Variants in NAV3 observed in about 807,000 individuals in gnomAD.
NAV3 encodes neuron navigator 3, also known as pore membrane and/or filament interacting like protein 1.
Under a neutral mutation model 244.7 loss-of-function variants are expected in NAV3, and 87 were observed. The observed-to-expected ratio is 0.36, with a 90% CI of 0.30 to 0.42. The LOEUF is 0.42. Ranked by LOEUF, NAV3 falls within the 20% of genes least tolerant of loss-of-function variation. NAV3 has a pLI of 1.00. For synonymous variants in NAV3, 1,126 were observed against 1,042.2 expected (o/e 1.08, Z -1.55); for missense variants, 2,663 against 2,893.3 (o/e 0.92, Z 1.83).
At chr12:78,106,430 G>T (rs1270144704) in intron 12 of NAV3, among the ~76,000 whole-genome samples, 3 of 152,276 alleles carry the variant, frequency 2.0e-5, no homozygotes, top group African/African-American at 7.2e-5. Flanking sequence ...ACCAATATAT[G>T]TGAAGAGATA....
chr12:77,773,155 C>T (rs1156497905), intron 2 of NAV3, among the ~76,000 whole-genome samples: 1 of 151,978 alleles, frequency 6.6e-6, no homozygotes, highest in Non-Finnish European at 1.5e-5. Context: ...AATAAACAAT[C>T]AGACATTTTG....
chr12:77,803,016 C>T (rs1349643127), intron 2 of NAV3, among the ~76,000 whole-genome samples: 1 of 152,254 alleles, frequency 6.6e-6, no homozygotes, highest in Admixed American at 6.5e-5. Flanking sequence ...AAGGGAACAT[C>T]TATTATATGA....
intron 2 of NAV3, among the ~76,000 whole-genome samples, chr12:77,594,209 A>G (rs1008075207): frequency 6.6e-6 from 1 of 152,066 alleles, no homozygotes; most frequent in African/African-American, 2.4e-5. Context: ...CCTATTACCC[A>G]TGGGGGATGT....
chr12:77,613,052 T>C (rs1592503820), intron 2 of NAV3, among the ~76,000 whole-genome samples: 2 of 152,224 alleles, frequency 1.3e-5, no homozygotes, highest in East Asian at 3.9e-4. Context: ...GAACTGTGAG[T>C]CAATTAAATC....
chr12:77,776,233 T>A (rs1216186584), intron 2 of NAV3, among the ~76,000 whole-genome samples: 3 of 152,192 alleles, frequency 2.0e-5, no homozygotes, highest in Non-Finnish European at 4.4e-5. Flanking sequence ...GTAAAACATT[T>A]TAAAAACATG....
At chr12:77,896,024 C>T (rs1490959179) in intron 1 of NAV3, among the ~76,000 whole-genome samples, 1 of 136,082 alleles carries the variant, frequency 7.3e-6, no homozygotes, top group African/African-American at 2.7e-5. Flanking sequence ...AAATCTTTTA[C>T]AAAAATGAGA....
At chr12:77,624,551 T>C (rs1300343856) in intron 2 of NAV3, among the ~76,000 whole-genome samples, 6 of 151,912 alleles carry the variant, frequency 3.9e-5, no homozygotes, top group African/African-American at 1.5e-4. Flanking sequence ...CCATAGTCTA[T>C]GAATGATGAG....
intron 2 of NAV3, among the ~76,000 whole-genome samples, chr12:77,816,235 T>A (rs1392861633): frequency 6.6e-6 from 1 of 152,198 alleles, no homozygotes; most frequent in African/African-American, 2.4e-5. Context: ...GATGGATTAA[T>A]CCATAGTTTC....
intron 2 of NAV3, among the ~76,000 whole-genome samples, chr12:77,750,372 T>C (rs1022380176): frequency 5.9e-5 from 9 of 151,552 alleles, no homozygotes; most frequent in African/African-American, 2.2e-4. Flanking sequence ...ACAACAAAAA[T>C]ACAAGAACAG....
At chr12:77,689,141 C>T (rs1224261789) in intron 2 of NAV3, among the ~76,000 whole-genome samples, 3 of 151,860 alleles carry the variant, frequency 2.0e-5, no homozygotes, top group Admixed American at 1.3e-4. Flanking sequence ...CAGATATTTC[C>T]AAGCATTAAC....
intron 9 of NAV3, among the ~76,000 whole-genome samples, chr12:78,029,827 A>G (rs1194647069): frequency 1.3e-5 from 2 of 152,178 alleles, no homozygotes; most frequent in Non-Finnish European, 2.9e-5. Flanking sequence ...ATTGGTAAGT[A>G]CTTATGTATA....
chr12:77,741,148 C>CAAAAAAAAAAAAAAAAAAAAAAAGAAAA, intron 2 of NAV3, among the ~76,000 whole-genome samples: 2 of 68,670 alleles, frequency 2.9e-5, no homozygotes, highest in African/African-American at 5.9e-5. Context: ...AAAAAAAAGA[C>CAAAAAAAAAAAAAAAAAAAAAAAGAAAA]AAAAAAAAAA....
chr12:77,793,421 G>A (rs1871270881), intron 2 of NAV3, among the ~76,000 whole-genome samples: 3 of 151,932 alleles, frequency 2.0e-5, no homozygotes, highest in Admixed American at 2.0e-4. Flanking sequence ...TGTCATCTAG[G>A]TTTTAAGCCC....
In NAV3 at chr12:78,122,018, C is replaced by T. The variant is rs2138682466; in HGVS notation, c.3828C>T (p.Pro1276=). ...TEGVKSSSVM[P]SPSTTLARQG... ...GTGTGAAATCTTCCTCAGTAATGCC[C>T]AGCCCTAGTACCACATTAGCGCGGC... is the stretch of plus-strand genomic sequence containing the variant. Residue 1276 remains proline, a synonymous_variant, in exon 16 of 40, where the codon CCC becomes CCT. Transcript: ENST00000397909. The T allele has an allele frequency of 6.2e-7, 1 of 1,614,188 alleles. No homozygotes were observed. Among genetic ancestry groups the T allele is most frequent in the Non-Finnish European group, 8.5e-7 (1 of 1,180,026 alleles).
chr12:77,917,002 A>G (rs1280559359), intron 1 of NAV3, among the ~76,000 whole-genome samples: 1 of 151,970 alleles, frequency 6.6e-6, no homozygotes, highest in Non-Finnish European at 1.5e-5. Flanking sequence ...TGTTAAATTA[A>G]CTAGTCTTAT....
intron 2 of NAV3, among the ~76,000 whole-genome samples, chr12:77,708,044 C>A (rs1875916089): frequency 6.6e-6 from 1 of 152,196 alleles, no homozygotes; most frequent in South Asian, 2.1e-4. Context: ...TTTTGCTGTG[C>A]AGAAGCTCTT....
intron 1 of NAV3, among the ~76,000 whole-genome samples, chr12:77,879,268 TAA>T (rs544567673): frequency 7.8e-4 from 119 of 152,344 alleles, no homozygotes; most frequent in African/African-American, 2.8e-3. Context: ...GATATATAAA[TAA>T]ACTCTTTACA....
intron 3 of NAV3, among the ~76,000 whole-genome samples, chr12:77,941,469 C>T (rs537312904): frequency 6.6e-6 from 1 of 152,270 alleles, no homozygotes; most frequent in African/African-American, 2.4e-5. Flanking sequence ...GCTTAAAGAA[C>T]AGGCTTTGCC....
intron 27 of NAV3, 44 bp from the exon 28 acceptor site, chr12:78,177,576 A>T: frequency 4.6e-6 from 7 of 1,537,020 alleles, no homozygotes; most frequent in Non-Finnish European, 6.2e-6. Flanking sequence ...ACTTCTTTTC[A>T]TGGGCATTTG....
Sources: gnomAD v4.1 joint callset for allele counts (sites outside exome capture counted in the v4.1 genomes callset) on GRCh38, gnomAD v4.1.1 for gene constraint, MANE v1.5 for transcripts, NCBI Gene and HGNC (gene_info 2026-07-23, HGNC 2026-07-21) for gene names.